NKAP: variants seen among roughly 807,000 people sequenced by gnomAD.
The protein encoded by NKAP is NF-kappa-B-activating protein.
In NKAP, 4 loss-of-function variants were observed where a neutral mutation model predicts 35.6. That is an observed-to-expected ratio of 0.11 (90% CI 0.06 to 0.26). The LOEUF (loss-of-function observed/expected upper bound fraction) is 0.26, where lower values mean the gene tolerates loss of function less well. Ranked by LOEUF, NKAP falls within the 10% of genes least tolerant of loss-of-function variation. The pLI is 1.00. For missense variants in NKAP, 238 were observed against 321.9 expected, an observed-to-expected ratio of 0.74 and a Z score of 1.99; for synonymous variants, 106 against 119.2, an observed-to-expected ratio of 0.89 and a Z score of 0.72.
chrX:119,933,933 T>C (rs2056753691), intron 5 of NKAP, among the ~76,000 whole-genome samples: 2 of 110,901 alleles, frequency 1.8e-5, no homozygotes, highest in Admixed American at 9.7e-5. Context: ...AGAGCGAGAC[T>C]TCATCTCAAA....
At chrX:119,927,887 G>T (rs2056722677) in intron 8 of NKAP, among the ~76,000 whole-genome samples, 1 of 111,443 alleles carries the variant, frequency 9.0e-6, no homozygotes, top group African/African-American at 3.3e-5. Flanking sequence ...AGATCAATTT[G>T]GGAAGAAATG....
In NKAP at chrX:119,922,436, T is replaced by C. The variant is rs2056691979; in HGVS notation, c.*2784A>G. 2 of 112,253 alleles carry C rather than the reference T, an allele frequency of 1.8e-5. No individual in the cohort carries two copies. The highest frequency in any genetic ancestry group is 7.4e-4 in the South Asian group (2 of 2,721). The allele number at this position is 112,253 out of a possible 1,213,427, so 9.3% of individuals were successfully genotyped here. ...TAAGACTGTTAATACTGTTTAATTA[T>C]AAAACTTTGGGCCGGGTGTGGTGGC... On this transcript the variant is annotated 3_prime_UTR_variant, in exon 9 of 9. Coordinates refer to ENST00000371410, the MANE Select transcript of NKAP (RefSeq NM_024528.4).
rs2056687039 is a variant in NKAP at position 119,921,267 on chromosome X, A to G, written c.*3953T>C. 9.1e-6 allele frequency: 1 copy of G among 110,399 alleles called. No individual in the cohort carries two copies. The highest frequency in any genetic ancestry group is 1.9e-5 in the Non-Finnish European group (1 of 52,909). The allele number at this position is 110,399 out of a possible 1,213,427, so 9.1% of individuals were successfully genotyped here. On this transcript the variant is annotated 3_prime_UTR_variant, in exon 9 of 9. Coordinates refer to ENST00000371410, the MANE Select transcript of NKAP (RefSeq NM_024528.4). ...TCACACTGAATAATCACTTGTTCCTACCTTCCCTGTGAACCTCTCTTGCCT... is the reference window on the plus strand; with the variant it reads ...TCACACTGAATAATCACTTGTTCCTGCCTTCCCTGTGAACCTCTCTTGCCT...
chrX:119,943,383 G>T lies in NKAP; in HGVS notation c.223C>A (p.Arg75Ser). Residue 75 changes from arginine (R) to serine (S), a missense_variant, in exon 1 of 9, where the codon CGC becomes AGC. Coordinates refer to ENST00000371410, the MANE Select transcript of NKAP (RefSeq NM_024528.4). ...QGSRNQSYRS[R>S]SRSRSRERPS... ...CGCTCTCTAGAACGCGACCGCGAGC[G>T]TGAGCGGTAGGACTGGTTTCGGGAG... The T allele has an allele frequency of 8.3e-7, 1 of 1,211,666 alleles. No homozygotes were observed.
At chrX:119,942,161 ATAAAG>A (rs1269062601) in intron 1 of NKAP, among the ~76,000 whole-genome samples, 1 of 111,443 alleles carries the variant, frequency 9.0e-6, no homozygotes, top group Non-Finnish European at 1.9e-5. Context: ...GTGGGAGGTA[ATAAAG>A]TATAGTGATG....
intron 3 of NKAP, 67 bp from the exon 4 acceptor site, chrX:119,936,498 G>A: frequency 1.4e-5 from 14 of 984,742 alleles, no homozygotes; most frequent in Non-Finnish European, 1.8e-5. Context: ...AGAAACAGAC[G>A]ATGGGCAATT....
intron 3 of NKAP, 55 bp from the exon 4 acceptor site, chrX:119,936,486 A>G (rs2056767131): frequency 9.8e-7 from 1 of 1,015,518 alleles, no homozygotes; most frequent in Non-Finnish European, 1.3e-6. Context: ...CTGAACATCA[A>G]AAGAAACAGA....
chrX:119,936,330 C>G lies in NKAP; in HGVS notation c.640G>C (p.Asp214His). Residue 214 changes from aspartate to histidine, a missense_variant, in exon 4 of 9, where the codon GAC (aspartate) becomes CAC (histidine). Transcript: ENST00000371410. ...TCTGTTTCAGAATCAGAGTCACTGT[C>G]GCTATCTTCAGAATACTTCTTATGT... ...RKHKKYSEDS[D>H]SDSDSETDSS... The G allele has an allele frequency of 8.3e-7, 1 of 1,203,481 alleles. No individual in the cohort carries two copies.
Position 119,933,866 on chromosome X carries a change from G to A in NKAP, c.737+628C>T, listed in dbSNP as rs768292924. On this transcript the variant is annotated intron_variant, in intron 5 of 8. Transcript: ENST00000371410. Reference sequence around the variant, plus strand: ...AAAGAATGCCTATCTTTGTGAACCCGGGAGGCGGAGCTTGCAGTGAGCCGA... The same window carrying A: ...AAAGAATGCCTATCTTTGTGAACCCAGGAGGCGGAGCTTGCAGTGAGCCGA... Among the ~76,000 whole-genome samples, 4 of 110,462 alleles carry A rather than the reference G, an allele frequency of 3.6e-5. No individual in the cohort carries two copies. The South Asian group carries it at 1.2e-3, about 32-fold the overall frequency.
chrX:119,936,902 G>A, intron 2 of NKAP: 1 of 317,218 alleles, frequency 3.2e-6, no homozygotes, highest in Non-Finnish European at 5.4e-6. Context: ...CAGTTCAAGG[G>A]TCTACCATCT....
At chrX:119,934,819 T>A (rs964463004) in intron 4 of NKAP, among the ~76,000 whole-genome samples, 1 of 111,317 alleles carries the variant, frequency 9.0e-6, no homozygotes, top group Non-Finnish European at 1.9e-5. Flanking sequence ...GGAAAATGCC[T>A]CTTTTTACGG....
At chrX:119,934,692 C>A in intron 4 of NKAP, 135 bp from the exon 5 acceptor site, 2 of 402,126 alleles carry the variant, frequency 5.0e-6, no homozygotes, top group Non-Finnish European at 8.4e-6. Flanking sequence ...ACATTTATTG[C>A]TATTTGTCAC....
intron 5 of NKAP, chrX:119,932,567 TATG>T (rs1439152427): frequency 7.5e-6 from 1 of 132,713 alleles, no homozygotes; most frequent in Non-Finnish European, 1.5e-5. Flanking sequence ...TGCAATGAGC[TATG>T]ATTAGCCCAC....
intron 7 of NKAP, 151 bp from the exon 8 acceptor site, chrX:119,930,316 A>G (rs2056734101): frequency 4.0e-6 from 2 of 505,258 alleles, no homozygotes; most frequent in Non-Finnish European, 6.1e-6. Flanking sequence ...AGGAAGCTCA[A>G]TGTGAATTGC....
intron 5 of NKAP, among the ~76,000 whole-genome samples, chrX:119,933,508 C>G (rs755142047): frequency 9.0e-6 from 1 of 111,651 alleles, no homozygotes; most frequent in Non-Finnish European, 1.9e-5. Context: ...ACCTATTAAT[C>G]TATTGGAAAT....
chrX:119,934,459 A>AT, intron 5 of NKAP, 35 bp downstream of exon 5: 2 of 856,761 alleles, frequency 2.3e-6, no homozygotes, highest in Non-Finnish European at 1.6e-6. Context: ...AAAAAAAGAA[A>AT]AGAAATTTTC....
At chrX:119,934,387 C>T (rs1247878490) in intron 5 of NKAP, 107 bp downstream of exon 5, 5 of 457,736 alleles carry the variant, frequency 1.1e-5, no homozygotes, top group Non-Finnish European at 1.3e-5. Flanking sequence ...TAGCTGACAT[C>T]GAACCACTGC....
chrX:119,937,746 G>A (rs1206477130), intron 2 of NKAP: 1 of 106,709 alleles, frequency 9.4e-6, no homozygotes, highest in Non-Finnish European at 1.9e-5. Flanking sequence ...GGCTGGTCTT[G>A]AACTCCCGGG....
Position 119,934,554 on chromosome X carries a change from T to C in NKAP, c.677A>G (p.Glu226Gly), listed in dbSNP as rs768276895. 8.6e-7 allele frequency: 1 copy of C among 1,157,679 alleles called. No individual in the cohort carries two copies. The highest frequency in any genetic ancestry group is 2.1e-5 in the South Asian group (1 of 47,259). The part of the protein sequence containing the change: ...DSDSETDSSD[E>G]DNKRRAKKAK... ...TTTCTTTGCTCTCCTTTTGTTATCT[T>C]CATCTGCAAATTAAAGCACATTACA... The change falls in exon 5 of 9, where the codon GAA becomes GGA. Residue 226 changes from glutamate (E) to glycine (G), a missense_variant. Physicochemically the swap from Glu to Gly is moderately conservative, Grantham distance 98. Around this residue, in one of 5 missense-constraint regions of NKAP, gnomAD observed 89 missense variants for 91.7 expected, o/e 0.97. Coordinates refer to ENST00000371410, the MANE Select transcript of NKAP (RefSeq NM_024528.4).
Sources: allele counts gnomAD v4.1 joint callset (sites outside exome capture counted in the v4.1 genomes callset), GRCh38; gene constraint gnomAD v4.1.1; regional missense constraint gnomAD v4.1.1; transcripts MANE v1.5; gene names NCBI Gene and HGNC (gene_info 2026-07-23, HGNC 2026-07-21).